The following ERC2 variants were observed in gnomAD, a reference collection of about 807,000 sequenced individuals.
The protein encoded by ERC2 is ERC protein 2.
ERC2 carries 42 observed loss-of-function variants against 114.8 expected under a neutral mutation model. The observed-to-expected ratio is 0.37, with a 90% CI of 0.29 to 0.47. ERC2 has a LOEUF of 0.47. Among genes scored for constraint, ERC2 ranks in the 20% least tolerant of loss-of-function variants. ERC2 has a pLI of 0.99. For missense variants in ERC2, 939 were observed against 1,150.7 expected, an observed-to-expected ratio of 0.82 and a Z score of 2.66; for synonymous variants, 454 against 425.5, an observed-to-expected ratio of 1.07 and a Z score of -0.82.
chr3:56,237,786 T>A (rs1294136288), intron 3 of ERC2, among the ~76,000 whole-genome samples: 1 of 152,108 alleles, frequency 6.6e-6, no homozygotes, highest in Non-Finnish European at 1.5e-5. Flanking sequence ...GACGTACATG[T>A]GAGTTTTAAG....
chr3:55,714,661 G>GTATATATATATATATATGTATATATATA (rs59260283), intron 15 of ERC2, among the ~76,000 whole-genome samples: 1 of 71,748 alleles, frequency 1.4e-5, no homozygotes, highest in African/African-American at 5.8e-5. Context: ...GTGTGTGTGT[G>GTATATATATATATATATGTATATATATA]TGTGTGTATA....
intron 2 of ERC2, among the ~76,000 whole-genome samples, chr3:56,406,224 A>G (rs2060721715): frequency 1.3e-5 from 2 of 152,108 alleles, no homozygotes. Context: ...CTTTTGATAT[A>G]CATTTGCCAA....
chr3:56,157,346 C>G lies in ERC2; in HGVS notation c.1150-8214G>C, dbSNP rs2046452. ...AGGAAAGGGAGGAAAAAATTTTCAG[C>G]AACTGCTTCCAGATGAGTGGGCAGT... On this transcript the variant is annotated intron_variant, in intron 4 of 17. Transcript: ENST00000288221. Among the ~76,000 whole-genome samples, 18 of 152,258 alleles carry G rather than the reference C, an allele frequency of 1.2e-4. No homozygotes were observed. The East Asian group carries it at 3.5e-3, about 29-fold the overall frequency.
chr3:55,556,878 G>A (rs2107457381), intron 17 of ERC2, among the ~76,000 whole-genome samples: 1 of 152,292 alleles, frequency 6.6e-6, no homozygotes, highest in East Asian at 1.9e-4. Context: ...AAAAAGGGAA[G>A]AGCTGAATAG....
At chr3:56,199,499 G>A (rs2048290752) in intron 3 of ERC2, among the ~76,000 whole-genome samples, 1 of 151,872 alleles carries the variant, frequency 6.6e-6, no homozygotes. Flanking sequence ...AGAATAACAT[G>A]ATACACCACA....
At chr3:55,550,522 C>T (rs1269402067) in intron 17 of ERC2, among the ~76,000 whole-genome samples, 3 of 152,112 alleles carry the variant, frequency 2.0e-5, no homozygotes, top group Non-Finnish European at 4.4e-5. Flanking sequence ...TCTCCACACC[C>T]AATGAGATAT....
At chr3:56,175,357 C>T (rs750615723) in intron 3 of ERC2, among the ~76,000 whole-genome samples, 4 of 152,198 alleles carry the variant, frequency 2.6e-5, no homozygotes, top group Non-Finnish European at 5.9e-5. Flanking sequence ...TTTCCCCTAA[C>T]ATATCCCTGG....
intron 3 of ERC2, among the ~76,000 whole-genome samples, chr3:56,204,052 T>C (rs1302484014): frequency 1.3e-5 from 2 of 152,028 alleles, no homozygotes; most frequent in African/African-American, 4.8e-5. Context: ...TAGCCGGGCG[T>C]GGTGGCAGTC....
chr3:56,196,331 A>G (rs1330089889), intron 3 of ERC2, among the ~76,000 whole-genome samples: 1 of 152,172 alleles, frequency 6.6e-6, no homozygotes. Context: ...AATGTCCACT[A>G]TATCTTTTGT....
intron 14 of ERC2, among the ~76,000 whole-genome samples, chr3:55,774,022 T>C (rs186497736): frequency 1.3e-5 from 2 of 152,178 alleles, no homozygotes; most frequent in African/African-American, 2.4e-5. Flanking sequence ...AATCATAATC[T>C]TTTTGAAAAA....
At chr3:55,886,384 A>G (rs2063347732) in intron 14 of ERC2, among the ~76,000 whole-genome samples, 1 of 152,256 alleles carries the variant, frequency 6.6e-6, no homozygotes, top group Non-Finnish European at 1.5e-5. Flanking sequence ...GTGGAAGCAT[A>G]TGCAATTCCA....
intron 14 of ERC2, among the ~76,000 whole-genome samples, chr3:55,745,922 A>C (rs940117361): frequency 7.2e-5 from 11 of 152,330 alleles, no homozygotes; most frequent in African/African-American, 2.6e-4. Context: ...CTCTAAAAAC[A>C]ATATGTTTTA....
chr3:55,889,468 A>G (rs1346707962), intron 13 of ERC2, among the ~76,000 whole-genome samples: 1 of 152,190 alleles, frequency 6.6e-6, no homozygotes, highest in African/African-American at 2.4e-5. Context: ...AATAAGCCAG[A>G]CTATCAAATA....
intron 14 of ERC2, among the ~76,000 whole-genome samples, chr3:55,819,988 C>A (rs984663219): frequency 1.3e-5 from 2 of 152,180 alleles, no homozygotes; most frequent in African/African-American, 4.8e-5. Flanking sequence ...TTAGCAATTT[C>A]ACCTCACTTT....
intron 1 of ERC2, chr3:56,466,928 C>G (rs937568294): frequency 3.3e-5 from 5 of 152,160 alleles, no homozygotes; most frequent in Non-Finnish European, 7.3e-5. Context: ...TTCTAACACC[C>G]CCTCCCCCAA....
At chr3:56,032,937 A>C (rs866683635) in intron 7 of ERC2, among the ~76,000 whole-genome samples, 63 of 98,956 alleles carry the variant, frequency 6.4e-4, no homozygotes, top group East Asian at 3.7e-3. Context: ...GAAAGAAAGA[A>C]AGAAAGAAAG....
At chr3:55,567,463 T>C (rs2056445244) in intron 17 of ERC2, among the ~76,000 whole-genome samples, 1 of 152,156 alleles carries the variant, frequency 6.6e-6, no homozygotes, top group Non-Finnish European at 1.5e-5. Flanking sequence ...TAAAATGAGA[T>C]TCCACTGGAG....
intron 17 of ERC2, among the ~76,000 whole-genome samples, chr3:55,587,241 C>T (rs2057650402): frequency 6.6e-6 from 1 of 152,146 alleles, no homozygotes; most frequent in Non-Finnish European, 1.5e-5. Context: ...GCAACCTCTG[C>T]CTCTCAGGTT....
At chr3:56,038,434 C>A (rs1327008045) in intron 7 of ERC2, among the ~76,000 whole-genome samples, 3 of 152,098 alleles carry the variant, frequency 2.0e-5, no homozygotes, top group Non-Finnish European at 4.4e-5. Context: ...CAAGAAACAA[C>A]AGATGCTGGT....
Sources: gnomAD v4.1 joint callset for allele counts (sites outside exome capture counted in the v4.1 genomes callset) on GRCh38, gnomAD v4.1.1 for gene constraint, MANE v1.5 for transcripts, NCBI Gene and HGNC (gene_info 2026-07-23, HGNC 2026-07-21) for gene names.